The following ANXA8 variants were observed in gnomAD, a reference collection of about 807,000 sequenced individuals.
ANXA8 encodes VAC-beta.
Under a neutral mutation model 26.8 loss-of-function variants are expected in ANXA8, and 9 were observed. The ratio of observed to expected loss-of-function variants is 0.34; its 90% CI spans 0.20 to 0.59. ANXA8 has a LOEUF of 0.59. Ranked by LOEUF, ANXA8 falls within the 20% of genes least tolerant of loss-of-function variation. The pLI, the probability that ANXA8 is intolerant of heterozygous loss-of-function variation, is 0.84. For synonymous variants in ANXA8, 39 were observed against 94.8 expected (o/e 0.41, Z 3.42); for missense variants, 83 against 238.5 (o/e 0.35, Z 4.29).
At chr10:47,669,082 C>A in the ANXA8 span, among the ~76,000 whole-genome samples, 1 of 151,774 alleles carries the variant, frequency 6.6e-6, no homozygotes, top group Non-Finnish European at 1.5e-5. Flanking sequence ...TCCCCCGCAC[C>A]AATGTGCTTT....
the ANXA8 span, among the ~76,000 whole-genome samples, chr10:47,559,408 G>A: frequency 3.2e-3 from 482 of 151,830 alleles, 14 homozygotes; most frequent in African/African-American, 0.011. Context: ...GATTATAGGC[G>A]TGAGCCACCA....
At chr10:47,721,053 A>G in the ANXA8 span, among the ~76,000 whole-genome samples, 15 of 140,344 alleles carry the variant, frequency 1.1e-4, 3 homozygotes, top group Admixed American at 5.8e-4. Context: ...AGGCTGAGGC[A>G]GGAGGATTGT....
upstream of ANXA8, chr10:47,487,190 C>T: frequency 1.1e-6 from 1 of 875,898 alleles, no homozygotes; most frequent in Non-Finnish European, 1.7e-6. Flanking sequence ...GTGTTTCCAT[C>T]CAAATGGGAA....
the ANXA8 span, among the ~76,000 whole-genome samples, chr10:47,743,283 C>CACATATATATATATACATAT: frequency 1.2e-5 from 1 of 81,988 alleles, no homozygotes; most frequent in Non-Finnish European, 2.5e-5. Flanking sequence ...TATATACACA[C>CACATATATATATATACATAT]ATATATATAT....
At chr10:47,976,495 T>G in the ANXA8 span, among the ~76,000 whole-genome samples, 1 of 151,222 alleles carries the variant, frequency 6.6e-6, no homozygotes, top group Non-Finnish European at 1.5e-5. Flanking sequence ...ATTGCTTAAG[T>G]CCATGAGTTT....
At chr10:47,940,296 C>T in the ANXA8 span, among the ~76,000 whole-genome samples, 15 of 144,546 alleles carry the variant, frequency 1.0e-4, 2 homozygotes, top group East Asian at 3.2e-3. Flanking sequence ...GAATAATGCC[C>T]CCTGAGAGGA....
the ANXA8 span, among the ~76,000 whole-genome samples, chr10:47,743,966 T>G: frequency 2.8e-5 from 4 of 141,622 alleles, no homozygotes; most frequent in Admixed American, 2.8e-4. Context: ...CAGACGGTAC[T>G]GCAGCAATGG....
At chr10:47,594,120 G>C in the ANXA8 span, among the ~76,000 whole-genome samples, 33 of 149,080 alleles carry the variant, frequency 2.2e-4, no homozygotes, top group African/African-American at 7.7e-4. Flanking sequence ...TTTGGGACTC[G>C]GACTGGCTTC....
At chr10:47,553,699 T>C in the ANXA8 span, among the ~76,000 whole-genome samples, 1 of 150,648 alleles carries the variant, frequency 6.6e-6, no homozygotes. Context: ...CCCTCCCGAT[T>C]CAGCCCCACC....
At chr10:47,470,063 C>A (rs2132389555) in intron 11 of ANXA8, among the ~76,000 whole-genome samples, 1 of 151,548 alleles carries the variant, frequency 6.6e-6, no homozygotes, top group Non-Finnish European at 1.5e-5. Context: ...ATTTTGAGGA[C>A]AATTTTTCGA....
the ANXA8 span, among the ~76,000 whole-genome samples, chr10:47,515,965 T>G: frequency 7.7e-6 from 1 of 129,612 alleles, no homozygotes; most frequent in Non-Finnish European, 1.6e-5. Context: ...AAAAAAGGAA[T>G]TGATAGGACC....
At chr10:47,627,931 C>CA in the ANXA8 span, among the ~76,000 whole-genome samples, 1 of 149,640 alleles carries the variant, frequency 6.7e-6, no homozygotes, top group African/African-American at 2.5e-5. Context: ...CCATTATTAA[C>CA]ATGCTATACT....
chr10:47,590,244 A>G, the ANXA8 span: 210 of 146,448 alleles, frequency 1.4e-3, 34 homozygotes, highest in African/African-American at 5.6e-3. Flanking sequence ...TGAAGTGCCA[A>G]TCCTTTTCTG....
At chr10:47,580,777 C>T in the ANXA8 span, among the ~76,000 whole-genome samples, 1 of 148,524 alleles carries the variant, frequency 6.7e-6, no homozygotes, top group Non-Finnish European at 1.5e-5. Context: ...AAAAACAAAA[C>T]AAACAAAAAA....
chr10:47,594,099 A>G, the ANXA8 span, among the ~76,000 whole-genome samples: 2,288 of 147,276 alleles, frequency 0.016, 175 homozygotes, highest in African/African-American at 0.057. Context: ...CAGCTTCCCT[A>G]CTTTTGAGGT....
the ANXA8 span, chr10:47,923,615 G>A: frequency 1.1e-4 from 4 of 36,758 alleles, 2 homozygotes; most frequent in Non-Finnish European, 2.1e-4. Flanking sequence ...TGGGATTACT[G>A]TTAGATCATT....
At chr10:47,907,314 G>C in the ANXA8 span, among the ~76,000 whole-genome samples, 1 of 152,102 alleles carries the variant, frequency 6.6e-6, no homozygotes, top group Non-Finnish European at 1.5e-5. Flanking sequence ...CCGAGATCAC[G>C]CCACTGCACT....
At chr10:47,970,508 T>C in the ANXA8 span, 2 of 151,214 alleles carry the variant, frequency 1.3e-5, no homozygotes, top group African/African-American at 4.8e-5. Flanking sequence ...CTTCAAACAA[T>C]GAACACACAC....
the ANXA8 span, chr10:47,986,719 A>C: frequency 9.0e-5 from 32 of 356,898 alleles, no homozygotes; most frequent in East Asian, 1.2e-3. Flanking sequence ...GCGGAGAGTC[A>C]GGTTCTCCGG....
Sources: allele counts gnomAD v4.1 joint callset (sites outside exome capture counted in the v4.1 genomes callset), GRCh38; gene constraint gnomAD v4.1.1; transcripts MANE v1.5; gene names NCBI Gene and HGNC (gene_info 2026-07-23, HGNC 2026-07-21).